Variants in CD3G observed in about 807,000 individuals in gnomAD.
The protein encoded by CD3G is T-cell surface glycoprotein CD3 gamma chain.
In CD3G, 24 loss-of-function variants were observed where a neutral mutation model predicts 28.3. The observed-to-expected ratio is 0.85, with a 90% CI of 0.61 to 1.19. The LOEUF (loss-of-function observed/expected upper bound fraction) is 1.19, where lower values mean the gene tolerates loss of function less well. Ranked by LOEUF, CD3G falls within the 50% of genes most tolerant of loss-of-function variation. The pLI is 0.00. For synonymous variants in CD3G, 71 were observed against 75.9 expected (o/e 0.93, Z 0.34); for missense variants, 211 against 210.0 (o/e 1.00, Z -0.03).
intron 1 of CD3G, among the ~76,000 whole-genome samples, chr11:118,348,162 C>A (rs1432529003): frequency 6.6e-6 from 1 of 152,048 alleles, no homozygotes; most frequent in African/African-American, 2.4e-5. Context: ...CTGATGCTAA[C>A]CCCCCAAATT....
intron 3 of CD3G, chr11:118,350,294 C>CA (rs1285484174): frequency 1.7e-6 from 1 of 578,004 alleles, no homozygotes. Context: ...CGCAGTGGAG[C>CA]ATGAAGAGTA....
rs374176598 is a variant in CD3G at position 118,350,626 on chromosome 11, G to A, written c.382G>A (p.Val128Ile). The change falls in exon 4 of 7, where the codon GTC (valine) becomes ATC (isoleucine). Residue 128 changes from valine to isoleucine, a missense_variant. By Grantham distance (29) the Val-to-Ile change is conservative. Transcript: ENST00000532917. ...FLFAEIVSIF[V>I]LAVGVYFIAG... is the part of the protein sequence containing the mutation. The stretch of plus-strand genomic sequence containing the variant: ...CTTTGCTGAAATCGTCAGCATTTTC[G>A]TCCTTGCTGTTGGGGTCTACTTCAT... 4.3e-6 allele frequency: 7 copies of A among 1,613,786 alleles called. No individual in the cohort carries two copies. The highest frequency in any genetic ancestry group is 2.2e-5 in the East Asian group (1 of 44,878).
rs200728539 is a variant in CD3G at position 118,344,469 on chromosome 11, C to T, written c.46C>T (p.Leu16Phe). 2 of 1,567,964 alleles carry T rather than the reference C, an allele frequency of 1.3e-6. No homozygotes were observed. The highest frequency in any genetic ancestry group is 3.8e-5 in the Admixed American group (2 of 52,648). The change falls in exon 1 of 7, where the codon CTT (leucine) becomes TTT (phenylalanine). Residue 16 changes from leucine (L) to phenylalanine (F), a missense_variant. Leu to Phe is a conservative substitution (Grantham distance 22). Coordinates refer to ENST00000532917, the MANE Select transcript of CD3G (RefSeq NM_000073.3). ...GLAVLILAII[L>F]LQGTLAQSIK... The stretch of plus-strand genomic sequence containing the variant: ...GGCTGTCCTCATCCTGGCTATCATT[C>T]TTCTTCAAGGTAAGGGCCTACTAGG...
rs144525013 is a variant in CD3G, at chr11:118,348,816, T to C, written c.56-211T>C. On this transcript the variant is annotated intron_variant, in intron 1 of 6. Transcript: ENST00000532917. ...AACGGTTAGAAACACCCTCCCAGGA[T>C]ACCAGGACAAAGATGAGACAAATTG... 3.3e-4 allele frequency among the ~76,000 whole-genome samples: 51 copies of C among 152,318 alleles called. No homozygotes were observed. The East Asian group carries it at 4.2e-3, about 13-fold the overall frequency.
rs141170227 is a variant in CD3G, at chr11:118,352,518, G to C, written c.*18+31G>C. ...TTCTTCAATGCCAATTCTAATAAAG[G>C]ACCCTTGCATCAACTGCCCTCGCAA... On this transcript the variant is annotated intron_variant, in intron 6 of 6. Coordinates refer to ENST00000532917, the MANE Select transcript of CD3G (RefSeq NM_000073.3). The C allele has an allele frequency of 3.9e-4, 560 of 1,451,262 alleles. 5 individuals are homozygous for C. The African/African-American group carries it at 6.0e-3, about 15-fold the overall frequency. The allele number at this position is 1,451,262 out of a possible 1,614,324, so 89.9% of individuals were successfully genotyped here.
In CD3G at chr11:118,354,027, T is replaced by C. The variant is rs1948431295; in HGVS notation, c.*927T>C. On this transcript the variant is annotated 3_prime_UTR_variant, in exon 7 of 7. Coordinates refer to ENST00000532917, the MANE Select transcript of CD3G (RefSeq NM_000073.3). ...ATGCAACCATATTGTACAAATAGAC[T>C]ATGATTTATTTAACCTGTTATCTAT... The C allele has an allele frequency of 6.6e-6, 1 of 152,236 alleles. No individual in the cohort carries two copies. The highest frequency in any genetic ancestry group is 1.5e-5 in the Non-Finnish European group (1 of 68,038). 9.4% of individuals were successfully genotyped at this position (152,236 alleles called of 1,614,324 possible).
chr11:118,349,590 T>C (rs751780385), intron 2 of CD3G, 153 bp from the exon 3 acceptor site: 1 of 728,842 alleles, frequency 1.4e-6, no homozygotes, highest in African/African-American at 1.7e-5. Flanking sequence ...CCAGAACTAC[T>C]AAATAGCACC....
At position 118,350,838 on chromosome 11, in the gene CD3G, C is replaced by T. The variant is rs1591285155; in HGVS notation, c.439+155C>T. On this transcript the variant is annotated intron_variant, in intron 4 of 6. Coordinates refer to ENST00000532917, the MANE Select transcript of CD3G (RefSeq NM_000073.3). ...TTTCTCTGAGACAGGAGAAAGGATA[C>T]TTGGTGTTATCACAGCATGTTCACC... 64 of 1,435,248 alleles carry T rather than the reference C, an allele frequency of 4.5e-5. 2 individuals are homozygous for T. In the South Asian group the frequency reaches 7.7e-4, roughly 17 times the overall value. The allele number at this position is 1,435,248 out of a possible 1,614,324, so 88.9% of individuals were successfully genotyped here.
chr11:118,346,514 A>C (rs1253838532), intron 1 of CD3G, among the ~76,000 whole-genome samples: 1 of 152,090 alleles, frequency 6.6e-6, no homozygotes, highest in Non-Finnish European at 1.5e-5. Flanking sequence ...TCAGATATGC[A>C]ACATTAAAAG....
rs1301682760 is a variant in CD3G, at chr11:118,349,348, C to T, written c.79+298C>T. Reference sequence around the variant, plus strand: ...GTATTGGCGTCACCTGGGATCCTGACGTTAGTCTCTGTCAATCCTTCTCTT... The same window carrying T: ...GTATTGGCGTCACCTGGGATCCTGATGTTAGTCTCTGTCAATCCTTCTCTT... On this transcript the variant is annotated intron_variant, in intron 2 of 6. Coordinates refer to ENST00000532917, the MANE Select transcript of CD3G (RefSeq NM_000073.3). 20 of 1,260,336 alleles carry T rather than the reference C, an allele frequency of 1.6e-5. 1 individual carries two copies. Among genetic ancestry groups the T allele is most frequent in the South Asian group, 1.1e-4 (7 of 63,340 alleles). The allele number at this position is 1,260,336 out of a possible 1,614,324, so 78.1% of individuals were successfully genotyped here.
intron 4 of CD3G, 96 bp downstream of exon 4, chr11:118,350,779 T>C (rs1481766004): frequency 1.2e-6 from 2 of 1,604,400 alleles, no homozygotes; most frequent in South Asian, 2.2e-5. Context: ...GAGTTGGTGC[T>C]TCTTGCTAGT....
intron 1 of CD3G, among the ~76,000 whole-genome samples, chr11:118,348,422 G>T (rs1948375585): frequency 6.6e-6 from 1 of 152,086 alleles, no homozygotes; most frequent in Non-Finnish European, 1.5e-5. Flanking sequence ...AATGAAAAGG[G>T]CAAGGTCTAG....
At chr11:118,344,961 T>G (rs989312828) in intron 1 of CD3G, among the ~76,000 whole-genome samples, 1 of 152,210 alleles carries the variant, frequency 6.6e-6, no homozygotes, top group Non-Finnish European at 1.5e-5. Context: ...ACAGAACTCA[T>G]AGTCTCATTG....
intron 6 of CD3G, among the ~76,000 whole-genome samples, 153 bp from the exon 7 acceptor site, chr11:118,352,966 T>G (rs187294697): frequency 6.6e-6 from 1 of 152,326 alleles, no homozygotes; most frequent in African/African-American, 2.4e-5. Flanking sequence ...TCACCCTTAG[T>G]TAAGAACCAC....
chr11:118,349,639 A>G, intron 2 of CD3G, 104 bp from the exon 3 acceptor site: 1 of 911,572 alleles, frequency 1.1e-6, no homozygotes, highest in Non-Finnish European at 1.8e-6. Flanking sequence ...TCATGTGCAC[A>G]TCAAAGTTTG....
At chr11:118,344,745 T>C (rs768925846) in intron 1 of CD3G, among the ~76,000 whole-genome samples, 8 of 152,178 alleles carry the variant, frequency 5.3e-5, no homozygotes, top group Non-Finnish European at 1.0e-4. Flanking sequence ...CCATCTTAGA[T>C]TTGAATGCAG....
At chr11:118,353,092 A>G (rs1263176925) in intron 6 of CD3G, 27 bp from the exon 7 acceptor site, 2 of 156,260 alleles carry the variant, frequency 1.3e-5, no homozygotes, top group African/African-American at 4.8e-5. Context: ...GTTTTTTTTG[A>G]ACAAATTGCA....
Position 118,344,412 on chromosome 11 carries a change from A to G in CD3G, c.-12A>G. On this transcript the variant is annotated 5_prime_UTR_variant, in exon 1 of 7. Transcript: ENST00000532917. ...GGCTGCTCCACGCTTTTGCCGGAGG[A>G]CAGAGACTGACATGGAACAGGGGAA... is the stretch of plus-strand genomic sequence containing the variant. 3 of 1,564,342 alleles carry G rather than the reference A, an allele frequency of 1.9e-6. No homozygotes were observed. Among genetic ancestry groups the G allele is most frequent in the Non-Finnish European group, 2.6e-6 (3 of 1,153,854 alleles).
At chr11:118,349,656 A>G (rs1486605788) in intron 2 of CD3G, 87 bp from the exon 3 acceptor site, 3 of 1,013,234 alleles carry the variant, frequency 3.0e-6, no homozygotes, top group Non-Finnish European at 4.7e-6. Context: ...TTTGAGAAAC[A>G]CTACTCTAAT....
Sources: gnomAD v4.1 joint callset for allele counts (sites outside exome capture counted in the v4.1 genomes callset) on GRCh38, gnomAD v4.1.1 for gene constraint, MANE v1.5 for transcripts, NCBI Gene and HGNC (gene_info 2026-07-23, HGNC 2026-07-21) for gene names.